Variants in ARMC9 observed in about 807,000 individuals in gnomAD.
The protein encoded by ARMC9 is armadillo repeat containing 9.
ARMC9 carries 94 observed loss-of-function variants against 107.0 expected under a neutral mutation model. The observed-to-expected ratio is 0.88, with a 90% CI of 0.74 to 1.04. The LOEUF (loss-of-function observed/expected upper bound fraction) is 1.04. Among genes scored for constraint, ARMC9 ranks in the 50% least tolerant of loss-of-function variants. The probability of loss-of-function intolerance (pLI) is 0.00; values close to 1 mark genes in which losing one functional copy is unlikely to be tolerated. For synonymous variants in ARMC9, 380 were observed against 396.9 expected, an observed-to-expected ratio of 0.96 and a Z score of 0.51; for missense variants, 942 against 1,030.1, an observed-to-expected ratio of 0.91 and a Z score of 1.17.
At chr2:231,278,543 C>A in intron 16 of ARMC9, 85 bp downstream of exon 16, 1 of 1,220,756 alleles carries the variant, frequency 8.2e-7, no homozygotes, top group Non-Finnish European at 1.2e-6. Flanking sequence ...ACACAGCTGG[C>A]CCAGGATGGT....
intron 8 of ARMC9, among the ~76,000 whole-genome samples, chr2:231,238,224 G>A (rs1187994741): frequency 6.6e-6 from 1 of 151,996 alleles, no homozygotes; most frequent in Admixed American, 6.6e-5. Context: ...AGAAGAAGAA[G>A]AAAATCTAGG....
At chr2:231,223,944 T>G (rs769546753) in intron 6 of ARMC9, among the ~76,000 whole-genome samples, 4 of 152,238 alleles carry the variant, frequency 2.6e-5, no homozygotes, top group Admixed American at 6.5e-5. Context: ...ACTTGACTTA[T>G]AATTATTTGA....
intron 19 of ARMC9, among the ~76,000 whole-genome samples, chr2:231,325,030 C>A (rs1294293287): frequency 6.6e-6 from 1 of 152,096 alleles, no homozygotes; most frequent in Non-Finnish European, 1.5e-5. Flanking sequence ...TTGAGACCAG[C>A]CTGGGCAACA....
chr2:231,307,329 G>A (rs553224109), intron 19 of ARMC9, among the ~76,000 whole-genome samples: 1 of 152,304 alleles, frequency 6.6e-6, no homozygotes, highest in Admixed American at 6.5e-5. Flanking sequence ...TACTTGTCTG[G>A]CACCTAGCCC....
At chr2:231,259,229 C>A in intron 11 of ARMC9, 127 bp downstream of exon 11, 1 of 821,106 alleles carries the variant, frequency 1.2e-6, no homozygotes, top group Non-Finnish European at 1.9e-6. Context: ...CTGCTGACAC[C>A]AAGAACGGAA....
In ARMC9 at chr2:231,239,916, C is replaced by T. The variant is rs779461834; in HGVS notation, c.781-27C>T. 1.1e-5 allele frequency: 17 copies of T among 1,595,580 alleles called. No individual in the cohort carries two copies. The South Asian group carries it at 1.8e-4, about 17-fold the overall frequency. The stretch of plus-strand genomic sequence containing the variant: ...TCCCTCAGTGAGTTTCATGCCATCA[C>T]CAGATGTCTTTGTATCCTCCTTGCA... On this transcript the variant is annotated intron_variant, in intron 8 of 24. Transcript: ENST00000611582.
intron 19 of ARMC9, among the ~76,000 whole-genome samples, chr2:231,328,629 A>G (rs1456118930): frequency 6.6e-6 from 1 of 151,956 alleles, no homozygotes; most frequent in Non-Finnish European, 1.5e-5. Flanking sequence ...TCTAAAACCC[A>G]CTGGACATAT....
chr2:231,198,698 G>A lies in ARMC9; in HGVS notation c.-42G>A, dbSNP rs965388868. On this transcript the variant is annotated splice_region_variant and 5_prime_UTR_variant, in exon 1 of 25. Coordinates refer to ENST00000611582, the MANE Select transcript of ARMC9 (RefSeq NM_001352754.2). Reference sequence around the variant, plus strand: ...CGCGAGTGTCCGCGGCCGAGCAGCAGGTAAGCGCGTCCCCGGATGCAGCCG... The same window carrying A: ...CGCGAGTGTCCGCGGCCGAGCAGCAAGTAAGCGCGTCCCCGGATGCAGCCG... 6.6e-6 allele frequency: 1 copy of A among 152,266 alleles called. No individual in the cohort carries two copies. The highest frequency in any genetic ancestry group is 1.5e-5 in the Non-Finnish European group (1 of 68,068). 9.4% of individuals were successfully genotyped at this position (152,266 alleles called of 1,614,324 possible). A position where few individuals can be genotyped will look rare whatever the true frequency, so the allele number is the denominator to read the frequency against.
intron 7 of ARMC9, 64 bp from the exon 8 acceptor site, chr2:231,235,160 G>C: frequency 6.7e-7 from 1 of 1,501,320 alleles, no homozygotes; most frequent in Non-Finnish European, 9.0e-7. Context: ...TCTTTGAGAA[G>C]AATACAATTA....
chr2:231,213,334 T>G (rs1305921002), intron 3 of ARMC9, among the ~76,000 whole-genome samples: 1 of 151,828 alleles, frequency 6.6e-6, no homozygotes, highest in Non-Finnish European at 1.5e-5. Context: ...CAGCTAATTT[T>G]TGTACTTTTT....
chr2:231,216,849 C>T (rs1430639479), intron 5 of ARMC9, 56 bp downstream of exon 5: 3 of 1,541,882 alleles, frequency 1.9e-6, no homozygotes, highest in Non-Finnish European at 2.6e-6. Context: ...GTGGTTTTAC[C>T]TTCTGTATGC....
At chr2:231,350,615 C>T (rs181004036) in intron 21 of ARMC9, among the ~76,000 whole-genome samples, 123 of 140,146 alleles carry the variant, frequency 8.8e-4, no homozygotes, top group Non-Finnish European at 7.4e-5. Context: ...AAGTGAGACC[C>T]TTGTCTCAAA....
Position 231,331,898 on chromosome 2 carries a change from G to C in ARMC9, c.1878+1G>C, listed in dbSNP as rs746084169. 3 of 1,609,008 alleles carry C rather than the reference G, an allele frequency of 1.9e-6. No individual in the cohort carries two copies. On this transcript the variant is annotated splice_donor_variant, in intron 20 of 24. Transcript: ENST00000611582. LOFTEE classifies it high-confidence loss of function. ...GCTTCTGACCACGGAGTACCTGGGG[G>C]TAAGTGCCACACAAAGGGTGGGGAT...
intron 24 of ARMC9, chr2:231,371,124 G>A: frequency 2.0e-6 from 1 of 489,334 alleles, no homozygotes; most frequent in South Asian, 1.5e-5. Context: ...GGGAGGCTCG[G>A]CCAGGAGGAA....
intron 6 of ARMC9, 142 bp from the exon 7 acceptor site, chr2:231,226,632 C>A: frequency 1.1e-6 from 1 of 943,874 alleles, no homozygotes; most frequent in Non-Finnish European, 1.7e-6. Flanking sequence ...CTATTTACAG[C>A]AACAGTTGGA....
At chr2:231,218,842 C>T (rs2033808073) in intron 5 of ARMC9, among the ~76,000 whole-genome samples, 1 of 151,946 alleles carries the variant, frequency 6.6e-6, no homozygotes, top group Non-Finnish European at 1.5e-5. Flanking sequence ...ACCTCCACCT[C>T]CCGGGTTCAA....
At chr2:231,323,362 A>C (rs1034912812) in intron 19 of ARMC9, among the ~76,000 whole-genome samples, 4 of 152,186 alleles carry the variant, frequency 2.6e-5, no homozygotes, top group Admixed American at 2.0e-4. Context: ...CTGATTGAGA[A>C]AGTGGAGCAA....
chr2:231,309,744 T>A (rs1263182347), intron 19 of ARMC9, among the ~76,000 whole-genome samples: 1 of 151,966 alleles, frequency 6.6e-6, no homozygotes, highest in African/African-American at 2.4e-5. Flanking sequence ...AAATCTAAGA[T>A]GTTTTTTCCA....
At chr2:231,273,549 C>T (rs542766069) in intron 14 of ARMC9, among the ~76,000 whole-genome samples, 8 of 152,174 alleles carry the variant, frequency 5.3e-5, no homozygotes, top group African/African-American at 1.4e-4. Context: ...CAGCCTAGAC[C>T]GTCATGACTT....
Sources: allele counts gnomAD v4.1 joint callset (sites outside exome capture counted in the v4.1 genomes callset), GRCh38; gene constraint gnomAD v4.1.1; transcripts MANE v1.5; gene names NCBI Gene and HGNC (gene_info 2026-07-23, HGNC 2026-07-21).